The following CDHR3 variants were observed in gnomAD, a reference collection of about 807,000 sequenced individuals.
The protein encoded by CDHR3 is cadherin related family member 3.
In CDHR3, 79 loss-of-function variants were observed where a neutral mutation model predicts 86.6. That is an observed-to-expected ratio of 0.91 (90% confidence interval 0.76 to 1.10). The LOEUF (loss-of-function observed/expected upper bound fraction) is 1.10, where lower values mean the gene tolerates loss of function less well. Among genes scored for constraint, CDHR3 ranks in the 50% least tolerant of loss-of-function variants. CDHR3 has a pLI of 0.00. For synonymous variants in CDHR3, 421 were observed against 402.4 expected (o/e 1.05, Z -0.55); for missense variants, 1,081 against 1,077.6 (o/e 1.00, Z -0.04).
At position 105,994,824 on chromosome 7, in the gene CDHR3, A is replaced by T; in HGVS notation, c.587A>T (p.Asp196Val). 2 of 1,610,728 alleles carry T rather than the reference A, an allele frequency of 1.2e-6. No homozygotes were observed. The highest frequency in any genetic ancestry group is 1.6e-4 in the Middle Eastern group (1 of 6,062). The change falls in exon 5 of 19, where the codon GAC becomes GTC. Residue 196 changes from aspartate to valine, a missense_variant. Coordinates refer to ENST00000317716, the MANE Select transcript of CDHR3 (RefSeq NM_152750.5). ...NGTLFSTTEL[D>V]FEAGHRSFHL... is the part of the protein sequence containing the mutation. Reference sequence around the variant, plus strand: ...ACCCTCTTCTCCACAACAGAATTGGACTTTGAAGCAGGACACAGAAGGTAG... The same window carrying T: ...ACCCTCTTCTCCACAACAGAATTGGTCTTTGAAGCAGGACACAGAAGGTAG...
intron 1 of CDHR3, among the ~76,000 whole-genome samples, chr7:105,966,285 T>C (rs148020187): frequency 9.2e-5 from 14 of 152,242 alleles, no homozygotes; most frequent in Middle Eastern, 3.4e-3. Flanking sequence ...ATTACCCTCC[T>C]GGAAATGAAA....
In CDHR3 at chr7:106,032,743, C is replaced by T. The variant is rs114372953; in HGVS notation, c.*46C>T. 1.0e-3 allele frequency: 1,541 copies of T among 1,543,276 alleles called. 20 individuals carry two copies. The African/African-American group carries it at 0.019, about 19-fold the overall frequency. On this transcript the variant is annotated 3_prime_UTR_variant, in exon 19 of 19. Transcript: ENST00000317716. ...TGTCAATCACTGAGATGCTGCCTCA[C>T]CCTAAATTCTATGGGGATGGTGTGG...
intron 1 of CDHR3, among the ~76,000 whole-genome samples, chr7:105,968,520 A>T (rs747940679): frequency 1.3e-5 from 2 of 151,618 alleles, no homozygotes; most frequent in Non-Finnish European, 2.9e-5. Flanking sequence ...GCCACCACAC[A>T]CTGCTAATTT....
intron 8 of CDHR3, among the ~76,000 whole-genome samples, chr7:106,011,003 C>T (rs1834715592): frequency 6.6e-6 from 1 of 152,194 alleles, no homozygotes; most frequent in African/African-American, 2.4e-5. Context: ...TACGTGGCCT[C>T]ACCACAAACA....
chr7:105,987,979 T>G (rs1170685902), intron 4 of CDHR3, among the ~76,000 whole-genome samples: 1 of 152,218 alleles, frequency 6.6e-6, no homozygotes, highest in Admixed American at 6.5e-5. Flanking sequence ...CAGCCTCAAC[T>G]TTCCTGGCTC....
intron 8 of CDHR3, among the ~76,000 whole-genome samples, chr7:106,007,154 C>G (rs537812612): frequency 3.3e-5 from 5 of 152,204 alleles, no homozygotes; most frequent in African/African-American, 1.2e-4. Flanking sequence ...GGCACCAAGT[C>G]CCTAGGCTGC....
At chr7:106,017,260 T>C (rs1449249540) in intron 11 of CDHR3, among the ~76,000 whole-genome samples, 1 of 152,090 alleles carries the variant, frequency 6.6e-6, no homozygotes, top group Non-Finnish European at 1.5e-5. Context: ...CTGGAGCCTA[T>C]ATAAAGGCAT....
chr7:105,986,335 C>G (rs937341729), intron 4 of CDHR3, among the ~76,000 whole-genome samples: 1 of 152,186 alleles, frequency 6.6e-6, no homozygotes, highest in Non-Finnish European at 1.5e-5. Flanking sequence ...AAAGAACTCT[C>G]TATGTGCCAG....
intron 8 of CDHR3, among the ~76,000 whole-genome samples, chr7:106,010,279 C>T (rs1326812895): frequency 6.6e-6 from 1 of 152,162 alleles, no homozygotes; most frequent in Admixed American, 6.5e-5. Context: ...CTGGACAGGC[C>T]TTGAAAATGC....
chr7:106,023,257 G>T (rs1836849142), intron 14 of CDHR3, among the ~76,000 whole-genome samples: 1 of 152,224 alleles, frequency 6.6e-6, no homozygotes, highest in Non-Finnish European at 1.5e-5. Flanking sequence ...TGGAGGTGGG[G>T]TCCAGTGAGC....
At chr7:106,006,401 A>G (rs1438326609) in intron 8 of CDHR3, among the ~76,000 whole-genome samples, 1 of 152,178 alleles carries the variant, frequency 6.6e-6, no homozygotes, top group Non-Finnish European at 1.5e-5. Flanking sequence ...CACAGTCCAA[A>G]GTCTCATCCG....
At position 106,018,172 on chromosome 7, in the gene CDHR3, C is replaced by A. The variant is rs1444881305; in HGVS notation, c.1653+100C>A. 3.6e-6 allele frequency: 3 copies of A among 830,078 alleles called. No individual in the cohort carries two copies. In the African/African-American group the frequency reaches 5.1e-5, roughly 14 times the overall value. The allele number at this position is 830,078 out of a possible 1,614,324, so 51.4% of individuals were successfully genotyped here. A position where few individuals can be genotyped will look rare whatever the true frequency, so the allele number is the denominator to read the frequency against. ...TGGATGTGGCAATGAGGAAACTTCC[C>A]AGGGTACATCCTGCGGATGTGGTGA... On this transcript the variant is annotated intron_variant, in intron 12 of 18. Transcript: ENST00000317716.
chr7:105,979,888 G>T (rs1160388059), intron 2 of CDHR3, among the ~76,000 whole-genome samples: 3 of 152,192 alleles, frequency 2.0e-5, no homozygotes, highest in Non-Finnish European at 4.4e-5. Flanking sequence ...AAGTTGGTGG[G>T]AGTCTGTGCC....
chr7:106,003,854 T>C (rs142414099), intron 7 of CDHR3, among the ~76,000 whole-genome samples: 30 of 151,904 alleles, frequency 2.0e-4, no homozygotes, highest in African/African-American at 6.3e-4. Context: ...ACAACCATGG[T>C]TGAGAATTCT....
In CDHR3 at chr7:105,992,926, A is replaced by T. The variant is rs549140284; in HGVS notation, c.514-1825A>T. ...ACATTATTAAATAATAAACAAAAGG[A>T]AACTTTAAAAATGGCTTAAAAACGT... is the stretch of plus-strand genomic sequence containing the variant. On this transcript the variant is annotated intron_variant, in intron 4 of 18. Coordinates refer to ENST00000317716, the MANE Select transcript of CDHR3 (RefSeq NM_152750.5). 1.4e-4 allele frequency among the ~76,000 whole-genome samples: 22 copies of T among 152,368 alleles called. No homozygotes were observed. In the South Asian group the frequency reaches 4.6e-3, roughly 32 times the overall value.
chr7:105,981,439 T>C (rs1829716467), intron 3 of CDHR3, among the ~76,000 whole-genome samples: 1 of 152,148 alleles, frequency 6.6e-6, no homozygotes, highest in South Asian at 2.1e-4. Context: ...GAGCTGCCCC[T>C]AGGCTCATCC....
At chr7:105,966,100 C>T (rs1826879938) in intron 1 of CDHR3, among the ~76,000 whole-genome samples, 1 of 152,206 alleles carries the variant, frequency 6.6e-6, no homozygotes, top group African/African-American at 2.4e-5. Flanking sequence ...AAACTTTCAA[C>T]TGCCCCAGTG....
In CDHR3 at chr7:106,004,504, G is replaced by A. The variant is rs2115802748; in HGVS notation, c.869G>A (p.Gly290Asp). ...CTAACCTTTGCTTTCTCAGTGACTG[G>A]TACAATCCAAGTGGCCCAAAGGATA... Reference protein sequence around the residue: ...SKYFMINQLTGTIQVAQRIDR... With the variant: ...SKYFMINQLTDTIQVAQRIDR... The change falls in exon 8 of 19, where the codon GGT (glycine) becomes GAT (aspartate). Residue 290 changes from glycine (G) to aspartate (D), a missense_variant. By Grantham distance (94) the Gly-to-Asp change is moderately conservative. Coordinates refer to ENST00000317716, the MANE Select transcript of CDHR3 (RefSeq NM_152750.5). 6.2e-7 allele frequency: 1 copy of A among 1,613,754 alleles called. No homozygotes were observed. Among genetic ancestry groups the A allele is most frequent in the African/African-American group, 1.3e-5 (1 of 74,998 alleles).
intron 1 of CDHR3, among the ~76,000 whole-genome samples, chr7:105,971,818 C>T (rs2526981): frequency 0.088 from 13,439 of 152,076 alleles, 945 homozygotes; most frequent in East Asian, 0.39. Flanking sequence ...GCTCACACCA[C>T]GCTCACACTC....
Sources: allele counts gnomAD v4.1 joint callset (sites outside exome capture counted in the v4.1 genomes callset), GRCh38; gene constraint gnomAD v4.1.1; transcripts MANE v1.5; gene names NCBI Gene and HGNC (gene_info 2026-07-23, HGNC 2026-07-21).